CIZ1: variants seen among roughly 807,000 people sequenced by gnomAD.
CIZ1 encodes CDKN1A interacting zinc finger protein 1, also known as cip1-interacting zinc finger protein.
A neutral mutation model predicts 118.6 loss-of-function variants in CIZ1; 58 were observed. The ratio of observed to expected loss-of-function variants is 0.49; its 90% confidence interval spans 0.40 to 0.61. The LOEUF is 0.61. Among genes scored for constraint, CIZ1 ranks in the 20% least tolerant of loss-of-function variants. The pLI is 0.00. For missense variants in CIZ1, 921 were observed against 1,115.9 expected, an observed-to-expected ratio of 0.83 and a Z score of 2.49; for synonymous variants, 448 against 443.4, an observed-to-expected ratio of 1.01 and a Z score of -0.13.
At chr9:128,187,501 T>C (rs1395198377) in intron 4 of CIZ1, among the ~76,000 whole-genome samples, 1 of 152,202 alleles carries the variant, frequency 6.6e-6, no homozygotes, top group Non-Finnish European at 1.5e-5. Context: ...AAAAAGGGGA[T>C]AATAATAGCA....
At position 128,177,656 on chromosome 9, in the gene CIZ1, G is replaced by A; in HGVS notation, c.1728C>T (p.Val576=). ...LTPVPRPSDS[V]SSTPAATSTP... is the part of the protein sequence containing the mutation. ...TGCTGGTAGCCGCAGGGGTGGAGGA[G>A]ACGGAGTCACTGGGGCGGGGGACAG... Residue 576 remains valine, a synonymous_variant, in exon 10 of 17, where the codon GTC becomes GTT. Coordinates refer to ENST00000372938, the MANE Select transcript of CIZ1 (RefSeq NM_001131016.2). 6.3e-7 allele frequency: 1 copy of A among 1,594,302 alleles called. No homozygotes were observed. The highest frequency in any genetic ancestry group is 2.3e-5 in the East Asian group (1 of 43,908).
At chr9:128,172,829 G>C (rs191868608) in intron 11 of CIZ1, among the ~76,000 whole-genome samples, 1 of 152,154 alleles carries the variant, frequency 6.6e-6, no homozygotes, top group African/African-American at 2.4e-5. Flanking sequence ...GTTATATAAT[G>C]AGCGAATTAT....
chr9:128,194,832 A>G (rs921102228), upstream of CIZ1, among the ~76,000 whole-genome samples: 1 of 151,520 alleles, frequency 6.6e-6, no homozygotes, highest in Non-Finnish European at 1.5e-5. Flanking sequence ...AAAACAAAAA[A>G]AAAGAGACAG....
chr9:128,177,695 A>G lies in CIZ1; in HGVS notation c.1689T>C (p.Thr563=). The change falls in exon 10 of 17, where the codon ACT becomes ACC. Residue 563 remains threonine, a synonymous_variant. Transcript: ENST00000372938. ...LQSSDSRAFS[T]VPLTPVPRPS... ...GGCGGGGGACAGGTGTCAGGGGTACAGTGCTAAAGGCCCGGCTGTCACTGC... is the reference window on the plus strand; with the variant it reads ...GGCGGGGGACAGGTGTCAGGGGTACGGTGCTAAAGGCCCGGCTGTCACTGC... 6.2e-7 allele frequency: 1 copy of G among 1,607,238 alleles called. No individual in the cohort carries two copies.
intron 10 of CIZ1, 24 bp downstream of exon 10, chr9:128,177,542 C>CCCCCCCAAAAAA: frequency 2.4e-6 from 3 of 1,229,498 alleles, no homozygotes; most frequent in Non-Finnish European, 3.3e-6. Context: ...CACCCCTCCC[C>CCCCCCCAAAAAA]ACCCTTATCT....
intron 11 of CIZ1, among the ~76,000 whole-genome samples, chr9:128,174,113 C>T (rs1157492411): frequency 6.6e-6 from 1 of 152,202 alleles, no homozygotes; most frequent in African/African-American, 2.4e-5. Context: ...AGGAGACGGG[C>T]ACCCCCACCA....
chr9:128,183,241 C>G (rs1303153063), intron 5 of CIZ1, among the ~76,000 whole-genome samples: 1 of 152,216 alleles, frequency 6.6e-6, no homozygotes. Context: ...AGCTGTCACC[C>G]TGCACGAAAC....
chr9:128,188,727 G>C (rs1832754630), intron 3 of CIZ1, among the ~76,000 whole-genome samples: 1 of 152,066 alleles, frequency 6.6e-6, no homozygotes, highest in Admixed American at 6.6e-5. Context: ...CCCGCCTCCT[G>C]GGTTCAGCAA....
chr9:128,173,777 C>T (rs562441439), intron 11 of CIZ1, among the ~76,000 whole-genome samples: 10 of 151,920 alleles, frequency 6.6e-5, no homozygotes, highest in Non-Finnish European at 1.0e-4. Flanking sequence ...GAGGCCAAGG[C>T]GGGCAGATCA....
Position 128,176,467 on chromosome 9 carries a change from C to G in CIZ1, c.1827G>C (p.Gln609His). Residue 609 changes from glutamine to histidine, a missense_variant, in exon 11 of 17, where the codon CAG becomes CAC. Physicochemically the swap from Gln to His is conservative, Grantham distance 24. Transcript: ENST00000372938. ...KASCSSQQEF[Q>H]DHMSEPQHQQ... ...GGTGCTGAGGCTCCGACATGTGGTC[C>G]TGGAACTCCTGCAGCAGGAGGGAAA... 2 of 1,613,158 alleles carry G rather than the reference C, an allele frequency of 1.2e-6. No individual in the cohort carries two copies. Among genetic ancestry groups the G allele is most frequent in the South Asian group, 2.2e-5 (2 of 91,076 alleles).
In CIZ1 at chr9:128,166,117, T is replaced by C. The variant is rs990984939; in HGVS notation, c.*80A>G. 1.0e-5 allele frequency: 10 copies of C among 1,002,082 alleles called. No individual in the cohort carries two copies. The highest frequency in any genetic ancestry group is 1.4e-5 in the Non-Finnish European group (10 of 714,872). 62.1% of individuals were successfully genotyped at this position (1,002,082 alleles called of 1,614,324 possible). Reference sequence around the variant, plus strand: ...GGATTTTGAGTAAAAACATGAACCATGTCAAAGTTTCCAGGCAGACTCCTA... The same window carrying C: ...GGATTTTGAGTAAAAACATGAACCACGTCAAAGTTTCCAGGCAGACTCCTA... On this transcript the variant is annotated 3_prime_UTR_variant, in exon 17 of 17. Coordinates refer to ENST00000372938, the MANE Select transcript of CIZ1 (RefSeq NM_001131016.2). This position sits in a 1 kb window ranked among gnomAD's most constrained non-coding sequence, Gnocchi z 4.4.
chr9:128,192,929 C>G (rs568744669), upstream of CIZ1, among the ~76,000 whole-genome samples: 168 of 152,306 alleles, frequency 1.1e-3, 2 homozygotes, highest in Non-Finnish European at 1.9e-3. Flanking sequence ...CCTTCCGCGC[C>G]GACGTTGGGC....
chr9:128,176,772 G>A (rs1425316010), intron 10 of CIZ1, among the ~76,000 whole-genome samples: 1 of 152,180 alleles, frequency 6.6e-6, no homozygotes, highest in South Asian at 2.1e-4. Context: ...ACAGCTCACA[G>A]CACAAGAGTA....
In CIZ1 at chr9:128,179,071, A is replaced by G; in HGVS notation, c.1136T>C (p.Val379Ala). The change falls in exon 8 of 17, where the codon GTA (valine) becomes GCA (alanine). Residue 379 changes from valine (V) to alanine (A), a missense_variant. Coordinates refer to ENST00000372938, the MANE Select transcript of CIZ1 (RefSeq NM_001131016.2). Reference protein sequence around the residue: ...AEPQKQVQPQVQPQAHSQGPR... With the variant: ...AEPQKQVQPQAQPQAHSQGPR... ...GCCCTGTGAATGTGCCTGTGGCTGTACCTGTGGCTGCACCTGCTTCTGTGG... is the reference window on the plus strand; with the variant it reads ...GCCCTGTGAATGTGCCTGTGGCTGTGCCTGTGGCTGCACCTGCTTCTGTGG... 1 of 1,613,422 alleles carries G rather than the reference A, an allele frequency of 6.2e-7. No homozygotes were observed. The highest frequency in any genetic ancestry group is 1.6e-4 in the Middle Eastern group (1 of 6,062).
chr9:128,191,023 G>C lies in CIZ1; in HGVS notation c.-5-161C>G, dbSNP rs1367113477. Among the ~76,000 whole-genome samples, 1 of 151,928 alleles carries C rather than the reference G, an allele frequency of 6.6e-6. No homozygotes were observed. Reference sequence around the variant, plus strand: ...GCCAAGAGCCTGCCACACTCGCTTGGCCCATCCTTCCAAGTTACCTCCAGT... The same window carrying C: ...GCCAAGAGCCTGCCACACTCGCTTGCCCCATCCTTCCAAGTTACCTCCAGT... On this transcript the variant is annotated intron_variant, in intron 1 of 16. Transcript: ENST00000372938. The surrounding 1 kb of genome is among the most constrained non-coding windows in gnomAD (Gnocchi z 5.5).
intron 11 of CIZ1, among the ~76,000 whole-genome samples, chr9:128,172,860 AT>A (rs935998182): frequency 6.6e-6 from 1 of 152,136 alleles, no homozygotes; most frequent in African/African-American, 2.4e-5. Context: ...AGAAAAAAAA[AT>A]TTTTTTGTAG....
rs764248899 is a variant in CIZ1, at chr9:128,167,080, G to T, written c.2365+15C>A. On this transcript the variant is annotated intron_variant, in intron 15 of 16. Coordinates refer to ENST00000372938, the MANE Select transcript of CIZ1 (RefSeq NM_001131016.2). ...GCTGAAGCTCCTGCAGGTGGGCTCA[G>T]AGCTGGGGCCTTACCATATGCAGTA... is the stretch of plus-strand genomic sequence containing the variant. The T allele has an allele frequency of 6.3e-7, 1 of 1,591,628 alleles. No homozygotes were observed. Among genetic ancestry groups the T allele is most frequent in the Non-Finnish European group, 8.6e-7 (1 of 1,168,162 alleles).
At chr9:128,172,890 C>A (rs573131036) in intron 11 of CIZ1, among the ~76,000 whole-genome samples, 42 of 152,196 alleles carry the variant, frequency 2.8e-4, no homozygotes, top group African/African-American at 9.6e-4. Context: ...GGCACATCAG[C>A]CACACAGTGA....
chr9:128,172,262 G>C (rs1161549401), intron 11 of CIZ1, among the ~76,000 whole-genome samples: 1 of 152,114 alleles, frequency 6.6e-6, no homozygotes, highest in African/African-American at 2.4e-5. Context: ...GGAGGCCAAG[G>C]CAGGCGGATC....
Sources: gnomAD v4.1 joint callset for allele counts (sites outside exome capture counted in the v4.1 genomes callset) on GRCh38, gnomAD v4.1.1 for gene constraint, Gnocchi (gnomAD v3.1) non-coding constraint, MANE v1.5 for transcripts, NCBI Gene and HGNC (gene_info 2026-07-23, HGNC 2026-07-21) for gene names.